ARHGAP24: variants seen among roughly 807,000 people sequenced by gnomAD.
ARHGAP24 encodes the protein rho GTPase-activating protein 24.
Under a neutral mutation model 76.4 loss-of-function variants are expected in ARHGAP24, and 50 were observed. The ratio of observed to expected loss-of-function variants is 0.65; its 90% CI spans 0.52 to 0.83. The LOEUF is 0.83. Among genes scored for constraint, ARHGAP24 ranks in the 40% least tolerant of loss-of-function variants. ARHGAP24 has a pLI of 0.00. For synonymous variants in ARHGAP24, 345 were observed against 323.3 expected (o/e 1.07, Z -0.72); for missense variants, 930 against 914.2 (o/e 1.02, Z -0.22).
intron 3 of ARHGAP24, among the ~76,000 whole-genome samples, chr4:85,888,954 C>G (rs2148776580): frequency 6.6e-6 from 1 of 152,252 alleles, no homozygotes; most frequent in South Asian, 2.1e-4. Flanking sequence ...AGGACATGAT[C>G]TTTTTCTTTT....
chr4:85,849,645 T>G (rs1731103296), intron 3 of ARHGAP24, among the ~76,000 whole-genome samples: 1 of 152,088 alleles, frequency 6.6e-6, no homozygotes, highest in South Asian at 2.1e-4. Context: ...TCATTGAGAG[T>G]TTTTAGCATG....
intron 1 of ARHGAP24, among the ~76,000 whole-genome samples, chr4:85,560,402 C>A (rs1027870953): frequency 6.6e-6 from 1 of 152,018 alleles, no homozygotes; most frequent in African/African-American, 2.4e-5. Flanking sequence ...TTTTATGGTT[C>A]ATTTCAGTAA....
intron 2 of ARHGAP24, among the ~76,000 whole-genome samples, chr4:85,686,175 C>G (rs1560585352): frequency 6.6e-6 from 1 of 152,070 alleles, no homozygotes; most frequent in East Asian, 1.9e-4. Context: ...AATCACAGAG[C>G]CTACTTATAT....
intron 2 of ARHGAP24, among the ~76,000 whole-genome samples, chr4:85,711,989 A>G (rs1377259280): frequency 3.3e-5 from 5 of 152,118 alleles, no homozygotes; most frequent in African/African-American, 4.8e-5. Context: ...TCTGTTTCAT[A>G]ATGAGACACA....
At chr4:85,993,446 T>C (rs947118917) in intron 8 of ARHGAP24, among the ~76,000 whole-genome samples, 1 of 152,204 alleles carries the variant, frequency 6.6e-6, no homozygotes, top group Admixed American at 6.5e-5. Context: ...TTTTGAATCA[T>C]CACAAGAAAA....
intron 3 of ARHGAP24, among the ~76,000 whole-genome samples, chr4:85,855,950 T>C (rs930352428): frequency 1.4e-4 from 22 of 152,150 alleles, no homozygotes; most frequent in Admixed American, 1.3e-3. Context: ...GAATTTGAAC[T>C]ATTATGGCTA....
At chr4:85,487,603 T>C (rs1723141849) in intron 1 of ARHGAP24, among the ~76,000 whole-genome samples, 2 of 104,986 alleles carry the variant, frequency 1.9e-5, no homozygotes, top group Non-Finnish European at 3.4e-5. Flanking sequence ...TATATATTTA[T>C]TATATTATAT....
intron 2 of ARHGAP24, among the ~76,000 whole-genome samples, chr4:85,673,101 A>G (rs374482813): frequency 1.2e-4 from 19 of 152,138 alleles, no homozygotes; most frequent in Non-Finnish European, 2.8e-4. Context: ...CTTTCCCTTA[A>G]CAAGGTAAGC....
chr4:85,536,933 G>C (rs536094219), intron 1 of ARHGAP24, among the ~76,000 whole-genome samples: 1 of 152,162 alleles, frequency 6.6e-6, no homozygotes, highest in East Asian at 1.9e-4. Context: ...AATATTCAAA[G>C]GCACAACAAT....
intron 1 of ARHGAP24, among the ~76,000 whole-genome samples, chr4:85,479,226 C>A (rs1167997615): frequency 1.3e-5 from 2 of 152,158 alleles, no homozygotes; most frequent in East Asian, 1.9e-4. Flanking sequence ...CCTATTTAAT[C>A]TCTATAATAG....
At chr4:85,495,238 T>C (rs1723521157) in intron 1 of ARHGAP24, among the ~76,000 whole-genome samples, 1 of 152,024 alleles carries the variant, frequency 6.6e-6, no homozygotes, top group African/African-American at 2.4e-5. Context: ...TTGATTTGTT[T>C]CCGGGTTTCA....
At chr4:85,804,367 T>C (rs1302381848) in intron 3 of ARHGAP24, among the ~76,000 whole-genome samples, 1 of 152,206 alleles carries the variant, frequency 6.6e-6, no homozygotes. Flanking sequence ...GTAGTTGTAA[T>C]AGTTGCAATA....
Position 85,995,193 on chromosome 4 carries a change from T to A in ARHGAP24, c.1539T>A (p.Asp513Glu). 1 of 1,613,856 alleles carries A rather than the reference T, an allele frequency of 6.2e-7. No homozygotes were observed. The highest frequency in any genetic ancestry group is 8.5e-7 in the Non-Finnish European group (1 of 1,180,010). ...WLPNGYVTLRDNKQKEQAGEL... is the reference protein window; with the variant it reads ...WLPNGYVTLRENKQKEQAGEL... ...CAAATGGCTATGTGACCCTGAGGGA[T>A]AACAAGCAGAAAGAACAAGCTGGAG... is the stretch of plus-strand genomic sequence containing the variant. Residue 513 changes from aspartate (D) to glutamate (E), a missense_variant, in exon 9 of 10, where the codon GAT becomes GAA. By Grantham distance (45) the Asp-to-Glu change is conservative. Coordinates refer to ENST00000395184, the MANE Select transcript of ARHGAP24 (RefSeq NM_001025616.3).
intron 3 of ARHGAP24, among the ~76,000 whole-genome samples, chr4:85,907,085 C>T (rs1172167039): frequency 6.6e-6 from 1 of 152,180 alleles, no homozygotes; most frequent in African/African-American, 2.4e-5. Context: ...CTTGCTTGCT[C>T]AGACATCTAG....
At chr4:85,705,630 C>T (rs984935663) in intron 2 of ARHGAP24, among the ~76,000 whole-genome samples, 19 of 152,066 alleles carry the variant, frequency 1.2e-4, no homozygotes, top group African/African-American at 4.1e-4. Context: ...CAGCTATCAA[C>T]GGTCATATGA....
Position 85,942,201 on chromosome 4 carries a change from T to A in ARHGAP24, c.527T>A (p.Leu176Gln). 1 of 1,614,126 alleles carries A rather than the reference T, an allele frequency of 6.2e-7. No individual in the cohort carries two copies. Among genetic ancestry groups the A allele is most frequent in the East Asian group, 2.2e-5 (1 of 44,882 alleles). ...CTGAAAGAAGAGGGTCTCTTTCGAC[T>A]GCCAGGCCAGGCTAATCTTGTTAAG... ...RGLKEEGLFR[L>Q]PGQANLVKEL... Residue 176 changes from leucine to glutamine, a missense_variant, in exon 5 of 10, where the codon CTG (leucine) becomes CAG (glutamine). Physicochemically the swap from Leu to Gln is moderately radical, Grantham distance 113 (BLOSUM62 -2). Transcript: ENST00000395184.
At chr4:85,767,757 C>T (rs2110076918) in intron 3 of ARHGAP24, among the ~76,000 whole-genome samples, 1 of 152,194 alleles carries the variant, frequency 6.6e-6, no homozygotes, top group African/African-American at 2.4e-5. Context: ...TGTATGATTG[C>T]AGAGAGAAAG....
At chr4:85,861,000 G>GCACACA (rs70948764) in intron 3 of ARHGAP24, among the ~76,000 whole-genome samples, 1,893 of 137,496 alleles carry the variant, frequency 0.014, 16 homozygotes, top group Middle Eastern at 0.03. Flanking sequence ...GTGCATGCAC[G>GCACACA]CACACACACA....
intron 1 of ARHGAP24, among the ~76,000 whole-genome samples, chr4:85,524,863 C>T (rs921417808): frequency 1.3e-5 from 2 of 152,124 alleles, no homozygotes; most frequent in Non-Finnish European, 2.9e-5. Flanking sequence ...GACCTAATAT[C>T]TTACAAACAT....
Sources: gnomAD v4.1 joint callset for allele counts (sites outside exome capture counted in the v4.1 genomes callset) on GRCh38, gnomAD v4.1.1 for gene constraint, MANE v1.5 for transcripts, NCBI Gene and HGNC (gene_info 2026-07-23, HGNC 2026-07-21) for gene names.